ABCA12: variants seen among roughly 807,000 people sequenced by gnomAD.
The protein encoded by ABCA12 is ATP binding cassette subfamily A member 12.
Under a neutral mutation model 293.5 loss-of-function variants are expected in ABCA12, and 156 were observed. That is an observed-to-expected ratio of 0.53 (90% CI 0.47 to 0.61). The LOEUF (loss-of-function observed/expected upper bound fraction) is 0.61. Among genes scored for constraint, ABCA12 ranks in the 20% least tolerant of loss-of-function variants. ABCA12 has a pLI of 0.00. For missense variants in ABCA12, 2,797 were observed against 3,090.2 expected (o/e 0.91, Z 2.25); for synonymous variants, 1,063 against 1,108.0 (o/e 0.96, Z 0.81).
At position 215,010,474 on chromosome 2, in the gene ABCA12, G is replaced by T; in HGVS notation, c.2333-4C>A. On this transcript the variant is annotated splice_region_variant and splice_polypyrimidine_tract_variant and intron_variant, in intron 17 of 52. Coordinates refer to ENST00000272895, the MANE Select transcript of ABCA12 (RefSeq NM_173076.3). ...TAAAGGGAGAAGCAAAATGGTGCTG[G>T]AAGGAAAAAGTGAAATAAAACCATT... 1 of 1,613,248 alleles carries T rather than the reference G, an allele frequency of 6.2e-7. No homozygotes were observed. Among genetic ancestry groups the T allele is most frequent in the South Asian group, 1.1e-5 (1 of 91,036 alleles).
At chr2:215,043,588 T>C (rs1701144433) in intron 7 of ABCA12, among the ~76,000 whole-genome samples, 1 of 152,124 alleles carries the variant, frequency 6.6e-6, no homozygotes, top group Admixed American at 6.6e-5. Flanking sequence ...GTTGTTGTTG[T>C]TGTTGTTGAT....
In ABCA12 at chr2:215,012,123, T is replaced by A. The variant is rs1442426034; in HGVS notation, c.1969A>T (p.Arg657Trp). The change falls in exon 16 of 53, where the codon AGG becomes TGG. Residue 657 changes from arginine to tryptophan, a missense_variant. Around this residue, in one of 3 missense-constraint regions of ABCA12, gnomAD observed 2,130 missense variants for 2,427.0 expected, o/e 0.88. Transcript: ENST00000272895. ...TTTTCTACTGGCTTTTGATCTTTCC[T>A]CGGGAAAAACACCTAACAGAAACAG... is the stretch of plus-strand genomic sequence containing the variant. Reference protein sequence around the residue: ...YNFTYKVFFPRKDQKPVEKMM... With the variant: ...YNFTYKVFFPWKDQKPVEKMM... 1 of 1,613,810 alleles carries A rather than the reference T, an allele frequency of 6.2e-7. No individual in the cohort carries two copies. Among genetic ancestry groups the A allele is most frequent in the African/African-American group, 1.3e-5 (1 of 74,926 alleles).
In ABCA12 at chr2:214,953,920, A is replaced by G; in HGVS notation, c.6581T>C (p.Val2194Ala). The change falls in exon 44 of 53, where the codon GTT becomes GCT. Residue 2194 changes from valine to alanine, a missense_variant. Val to Ala is a moderately conservative substitution (Grantham distance 64). Transcript: ENST00000272895. ...NKLGAMFVALVSQGTMFFSLR... is the reference protein window; with the variant it reads ...NKLGAMFVALASQGTMFFSLR... ...GGAAAAAAACATGGTGCCCTGAGAAACCAAAGCCACAAACATTGCACCTAG... is the reference window on the plus strand; with the variant it reads ...GGAAAAAAACATGGTGCCCTGAGAAGCCAAAGCCACAAACATTGCACCTAG... 1 of 1,614,028 alleles carries G rather than the reference A, an allele frequency of 6.2e-7. No individual in the cohort carries two copies. Among genetic ancestry groups the G allele is most frequent in the Non-Finnish European group, 8.5e-7 (1 of 1,179,974 alleles).
intron 23 of ABCA12, among the ~76,000 whole-genome samples, chr2:214,993,899 G>A (rs1699979807): frequency 1.3e-5 from 2 of 152,268 alleles, no homozygotes; most frequent in South Asian, 2.1e-4. Context: ...GACTAAAGGT[G>A]TTTAATCACT....
intron 19 of ABCA12, chr2:215,004,702 C>T (rs1220794431): frequency 2.7e-5 from 5 of 186,470 alleles, no homozygotes; most frequent in East Asian, 2.7e-4. Flanking sequence ...ATGATGTCTC[C>T]GTGGAATCTG....
At chr2:215,033,173 G>A (rs1379137182) in intron 8 of ABCA12, among the ~76,000 whole-genome samples, 3 of 152,056 alleles carry the variant, frequency 2.0e-5, no homozygotes, top group Non-Finnish European at 4.4e-5. Context: ...TGAGTTAAAG[G>A]GCCAAGAATG....
chr2:215,110,265 C>T (rs1326139817), intron 2 of ABCA12, among the ~76,000 whole-genome samples: 1 of 152,200 alleles, frequency 6.6e-6, no homozygotes, highest in African/African-American at 2.4e-5. Context: ...AATCCCAGCA[C>T]TTTGGGAGGC....
Position 214,978,334 on chromosome 2 carries a change from T to G in ABCA12, c.5110A>C (p.Asn1704His), listed in dbSNP as rs1303839472. The G allele has an allele frequency of 1.9e-6, 3 of 1,613,944 alleles. No individual in the cohort carries two copies. Among genetic ancestry groups the G allele is most frequent in the Non-Finnish European group, 2.5e-6 (3 of 1,179,952 alleles). Reference sequence around the variant, plus strand: ...TTCATACCATCTCTGTCTGTGAAATTGCTGCTGCTCACAGATAAATCGTCA... The same window carrying G: ...TTCATACCATCTCTGTCTGTGAAATGGCTGCTGCTCACAGATAAATCGTCA... ...TPDDLSVSSS[N>H]FTDRDDKILT... Residue 1704 changes from asparagine to histidine, a missense_variant, in exon 33 of 53, where the codon AAT becomes CAT. Asn to His is a moderately conservative substitution (Grantham distance 68, BLOSUM62 1). Coordinates refer to ENST00000272895, the MANE Select transcript of ABCA12 (RefSeq NM_173076.3).
At chr2:215,017,923 GTT>G (rs1700541646) in intron 14 of ABCA12, 83 bp downstream of exon 14, 1 of 1,584,686 alleles carries the variant, frequency 6.3e-7, no homozygotes, top group Admixed American at 1.7e-5. Flanking sequence ...ACTTCTCAGT[GTT>G]TAACTGGTAA....
At position 215,001,565 on chromosome 2, in the gene ABCA12, G is replaced by A; in HGVS notation, c.2856C>T (p.Leu952=). 1 of 1,613,618 alleles carries A rather than the reference G, an allele frequency of 6.2e-7. No homozygotes were observed. Among genetic ancestry groups the A allele is most frequent in the Non-Finnish European group, 8.5e-7 (1 of 1,179,716 alleles). ...EAKRLYKSNE[L]FGSVIFKLPS... ...TAATAGAACAGCACTTACTTCCAAAGAGTTCGTTGCTTTTGTAGAGCCTTT... is the reference window on the plus strand; with the variant it reads ...TAATAGAACAGCACTTACTTCCAAAAAGTTCGTTGCTTTTGTAGAGCCTTT... Residue 952 remains leucine (L), a synonymous_variant, in exon 21 of 53, where the codon CTC becomes CTT. Coordinates refer to ENST00000272895, the MANE Select transcript of ABCA12 (RefSeq NM_173076.3).
rs151239763 is a variant in ABCA12 at position 214,975,944 on chromosome 2, C to T, written c.5222G>A (p.Arg1741His). 2.2e-5 allele frequency: 36 copies of T among 1,613,904 alleles called. No homozygotes were observed. The highest frequency in any genetic ancestry group is 1.3e-4 in the South Asian group (12 of 91,078). The change falls in exon 34 of 53, where the codon CGC becomes CAC. Residue 1741 changes from arginine to histidine, a missense_variant. This residue lies in a region of ABCA12 where 2,130 missense variants were observed against 2,427.0 expected (regional missense o/e 0.88). Transcript: ENST00000272895. ...AILIKRFHHT[R>H]RNWKGLIAQV... The stretch of plus-strand genomic sequence containing the variant: ...AGCAATGAGACCTTTCCAGTTCCTG[C>T]GGGTGTGGTGGAACCTCTTGATGAG...
rs747680712 is a variant in ABCA12, at chr2:215,064,113, T to C, written c.270A>G (p.Gln90=). 3 of 1,612,886 alleles carry C rather than the reference T, an allele frequency of 1.9e-6. No homozygotes were observed. In the East Asian group the frequency reaches 6.7e-5, roughly 36 times the overall value. ...SKCKDTPYGP[Q]DLLRRKGIDD... ...CAATTCCTTTCCTACGAAGCAGATC[T>C]TGTGGGCCATAGGGTGTGTCTTTGC... Residue 90 remains glutamine, a synonymous_variant, in exon 3 of 53, where the codon CAA becomes CAG. Transcript: ENST00000272895.
At chr2:215,130,069 T>C (rs56058523) in intron 1 of ABCA12, among the ~76,000 whole-genome samples, 4,932 of 152,286 alleles carry the variant, frequency 0.032, 246 homozygotes, top group African/African-American at 0.11. Flanking sequence ...TTCTCTATTC[T>C]GTTCCATTGA....
At chr2:215,116,167 G>A (rs150131450) in intron 1 of ABCA12, among the ~76,000 whole-genome samples, 280 of 152,276 alleles carry the variant, frequency 1.8e-3, no homozygotes, top group Admixed American at 4.3e-3. Context: ...ATAAAAATGC[G>A]TATGTGTATT....
intron 40 of ABCA12, 34 bp from the exon 41 acceptor site, chr2:214,958,488 T>A (rs769476479): frequency 8.7e-6 from 14 of 1,607,502 alleles, no homozygotes; most frequent in Non-Finnish European, 1.2e-5. Context: ...AAAACACACA[T>A]AAGTTTTTGA....
intron 11 of ABCA12, among the ~76,000 whole-genome samples, chr2:215,021,367 G>A (rs758281312): frequency 6.6e-6 from 1 of 151,964 alleles, no homozygotes; most frequent in Non-Finnish European, 1.5e-5. Context: ...TGCTTAAAGG[G>A]GTTTAAAAAT....
At chr2:215,021,182 A>T (rs1184076686) in intron 11 of ABCA12, among the ~76,000 whole-genome samples, 2 of 152,202 alleles carry the variant, frequency 1.3e-5, no homozygotes, top group African/African-American at 4.8e-5. Context: ...AAATTTTAAA[A>T]GCCTTTCTTG....
chr2:214,970,029 A>T (rs1699351372), intron 37 of ABCA12, among the ~76,000 whole-genome samples: 1 of 152,080 alleles, frequency 6.6e-6, no homozygotes, highest in South Asian at 2.1e-4. Context: ...AGGAAAAAAA[A>T]AATATGTACA....
chr2:215,049,093 CA>C (rs1575010031), intron 6 of ABCA12, among the ~76,000 whole-genome samples: 1 of 152,110 alleles, frequency 6.6e-6, no homozygotes, highest in African/African-American at 2.4e-5. Context: ...ATCTAGACAA[CA>C]AACCACTGTG....
Sources: allele counts gnomAD v4.1 joint callset (sites outside exome capture counted in the v4.1 genomes callset), GRCh38; gene constraint gnomAD v4.1.1; regional missense constraint gnomAD v4.1.1; transcripts MANE v1.5; gene names NCBI Gene and HGNC (gene_info 2026-07-23, HGNC 2026-07-21).